The following STRN4 variants were observed in gnomAD, a reference collection of about 807,000 sequenced individuals.
STRN4 encodes the protein striatin-4.
Under a neutral mutation model 77.9 loss-of-function variants are expected in STRN4, and 27 were observed. The ratio of observed to expected loss-of-function variants is 0.35; its 90% confidence interval spans 0.26 to 0.48. The LOEUF (loss-of-function observed/expected upper bound fraction) is 0.48, where lower values mean the gene tolerates loss of function less well. Ranked by LOEUF, STRN4 falls within the 20% of genes least tolerant of loss-of-function variation. STRN4 has a pLI of 0.99. For missense variants in STRN4, 798 were observed against 1,049.7 expected, an observed-to-expected ratio of 0.76 and a Z score of 3.31; for synonymous variants, 466 against 443.1, an observed-to-expected ratio of 1.05 and a Z score of -0.65.
At position 46,722,584 on chromosome 19, in the gene STRN4, G is replaced by A. The variant is rs535031439; in HGVS notation, c.1906+226C>T. Among the ~76,000 whole-genome samples the A allele has an allele frequency of 1.6e-4, 25 of 152,320 alleles. 1 individual carries two copies. The South Asian group carries it at 5.0e-3, about 30-fold the overall frequency. On this transcript the variant is annotated intron_variant, in intron 14 of 17. Transcript: ENST00000263280. ...ACACATTCCGCCACTCTACCAAGAG[G>A]GCCCGACGGGGCGGCCCTGACGCGC... is the stretch of plus-strand genomic sequence containing the variant.
chr19:46,735,440 G>A (rs1245846519), intron 4 of STRN4, among the ~76,000 whole-genome samples: 1 of 152,104 alleles, frequency 6.6e-6, no homozygotes, highest in Non-Finnish European at 1.5e-5. Context: ...CCTGCTGTGG[G>A]CTCTGACTGC....
chr19:46,742,075 G>A (rs1296686216), intron 1 of STRN4, among the ~76,000 whole-genome samples: 2 of 152,158 alleles, frequency 1.3e-5, no homozygotes, highest in Non-Finnish European at 2.9e-5. Context: ...CAGAACAGGG[G>A]CAGAGCCACA....
chr19:46,722,079 C>G lies in STRN4; in HGVS notation c.2006-7G>C. The G allele has an allele frequency of 6.2e-7, 1 of 1,612,390 alleles. No individual in the cohort carries two copies. Among genetic ancestry groups the G allele is most frequent in the Non-Finnish European group, 8.5e-7 (1 of 1,180,002 alleles). ...ATGGAGTGCACCGGCTTACCTGAGG[C>G]GAGAAGGGCGGGTGGCAGGTTCCCC... On this transcript the variant is annotated splice_polypyrimidine_tract_variant and splice_region_variant and intron_variant, in intron 15 of 17. Transcript: ENST00000263280.
chr19:46,728,391 AG>A lies in STRN4; in HGVS notation c.1039+226del. The A allele has an allele frequency of 2.8e-5, 18 of 638,068 alleles. 3 individuals carry two copies. In the South Asian group the frequency reaches 3.6e-4, roughly 13 times the overall value. 39.5% of individuals were successfully genotyped at this position (638,068 alleles called of 1,614,324 possible). A position where few individuals can be genotyped will look rare whatever the true frequency, so the allele number is the denominator to read the frequency against. The stretch of plus-strand genomic sequence containing the variant: ...CCTGGAGGGCTGGCGGCCCCACTTC[AG>A]GAAGAGCCAGGACTGCCTGCGTCTC... On this transcript the variant is annotated intron_variant, in intron 7 of 17. Transcript: ENST00000263280.
At position 46,730,843 on chromosome 19, in the gene STRN4, G is replaced by A. The variant is rs1222541256; in HGVS notation, c.768C>T (p.Arg256=). The A allele has an allele frequency of 2.5e-6, 4 of 1,612,018 alleles. No homozygotes were observed. The African/African-American group carries it at 5.3e-5, about 22-fold the overall frequency. ...TCTGCCCCAGCACTGAGCCGCCCAA[G>A]CGCTCTTTGCCATCTTTGCCTGCCG... The part of the protein sequence containing the change: ...RNAAGKDGKE[R]LGGSVLGQIP... Residue 256 remains arginine (R), a synonymous_variant, in exon 6 of 18, where the codon CGC becomes CGT. Coordinates refer to ENST00000263280, the MANE Select transcript of STRN4 (RefSeq NM_013403.3).
Position 46,720,519 on chromosome 19 carries a change from G to T in STRN4, c.*66+17C>A. On this transcript the variant is annotated intron_variant, in intron 17 of 17. Transcript: ENST00000263280. ...ATGGGCGTGCAGAGACTCAGAATGC[G>T]GGGTTTCTGCCCTCACCTCAGCCCC... is the stretch of plus-strand genomic sequence containing the variant. The T allele has an allele frequency of 7.0e-7, 1 of 1,420,794 alleles. No individual in the cohort carries two copies. Among genetic ancestry groups the T allele is most frequent in the South Asian group, 1.6e-5 (1 of 63,930 alleles). The allele number at this position is 1,420,794 out of a possible 1,614,324, so 88.0% of individuals were successfully genotyped here.
rs777910107 is a variant in STRN4, at chr19:46,733,075, G to A, written c.701C>T (p.Ser234Leu). Reference sequence around the variant, plus strand: ...CTCCTCGATCTGTTTCACCAGCAGCGACTCCCCACCACTGAGCCCTGCAGG... The same window carrying A: ...CTCCTCGATCTGTTTCACCAGCAGCAACTCCCCACCACTGAGCCCTGCAGG... ...PGPAGLSGGESLLVKQIEEQI... is the reference protein window; with the variant it reads ...PGPAGLSGGELLLVKQIEEQI... Residue 234 changes from serine (S) to leucine (L), a missense_variant, in exon 5 of 18, where the codon TCG (serine) becomes TTG (leucine). Coordinates refer to ENST00000263280, the MANE Select transcript of STRN4 (RefSeq NM_013403.3). The surrounding 1 kb of genome is among the most constrained non-coding windows in gnomAD (Gnocchi z 4.3). 183 of 1,612,788 alleles carry A rather than the reference G, an allele frequency of 1.1e-4. No homozygotes were observed. Among genetic ancestry groups the A allele is most frequent in the East Asian group, 4.5e-5 (2 of 44,858 alleles).
At position 46,722,088 on chromosome 19, in the gene STRN4, C is replaced by T. The variant is rs377754565; in HGVS notation, c.2006-16G>A. The T allele has an allele frequency of 2.7e-5, 44 of 1,611,974 alleles. 1 individual carries two copies. The highest frequency in any genetic ancestry group is 1.2e-4 in the Admixed American group (7 of 60,024). On this transcript the variant is annotated splice_polypyrimidine_tract_variant and intron_variant, in intron 15 of 17. Coordinates refer to ENST00000263280, the MANE Select transcript of STRN4 (RefSeq NM_013403.3). The stretch of plus-strand genomic sequence containing the variant: ...ACCGGCTTACCTGAGGCGAGAAGGG[C>T]GGGTGGCAGGTTCCCCTCCCACTCT...
In STRN4 at chr19:46,723,308, T is replaced by G. The variant is rs1337862917; in HGVS notation, c.1595-24A>C. On this transcript the variant is annotated intron_variant, in intron 12 of 17. Coordinates refer to ENST00000263280, the MANE Select transcript of STRN4 (RefSeq NM_013403.3). The surrounding 1 kb of genome is among the most constrained non-coding windows in gnomAD (Gnocchi z 5.5). ...GTCTGCACCCACCGCAGGGAGGAAA[T>G]GGGCTGTGTCAGGGCTGCCAGCTCC... The G allele has an allele frequency of 6.6e-6, 10 of 1,525,060 alleles. No homozygotes were observed. In the East Asian group the frequency reaches 1.7e-4, roughly 26 times the overall value. 94.5% of individuals were successfully genotyped at this position (1,525,060 alleles called of 1,614,324 possible).
At chr19:46,746,094 AGGCCGGGCCG>A (rs568014119) in intron 1 of STRN4, 45 bp downstream of exon 1, 20 of 1,244,350 alleles carry the variant, frequency 1.6e-5, no homozygotes, top group Non-Finnish European at 1.8e-5. Flanking sequence ...GCAGCGGGTG[AGGCCGGGCCG>A]GGCCGGGCCG....
chr19:46,726,532 G>A (rs2054119559), intron 9 of STRN4, among the ~76,000 whole-genome samples: 1 of 151,746 alleles, frequency 6.6e-6, no homozygotes, highest in African/African-American at 2.4e-5. Context: ...GAGAGGCCAG[G>A]AAGTCCCAGG....
Position 46,723,055 on chromosome 19 carries a change from C to T in STRN4, c.1765+59G>A, listed in dbSNP as rs1403432492. The T allele has an allele frequency of 6.4e-7, 1 of 1,570,218 alleles. No homozygotes were observed. Among genetic ancestry groups the T allele is most frequent in the African/African-American group, 1.4e-5 (1 of 73,894 alleles). ...AGGCCTGGGGCCTCAGCAGGAACCA[C>T]TCTGATAGCCTCCAGATCCCGCACA... On this transcript the variant is annotated intron_variant, in intron 13 of 17. Coordinates refer to ENST00000263280, the MANE Select transcript of STRN4 (RefSeq NM_013403.3). This position sits in a 1 kb window ranked among gnomAD's most constrained non-coding sequence, Gnocchi z 5.5.
At chr19:46,721,227 A>G (rs313843) in intron 16 of STRN4, 117,837 of 155,770 alleles carry the variant, frequency 0.76, 44,876 homozygotes, top group African/African-American at 0.85. Context: ...CTTAGCAGGG[A>G]CTTGGGGAGA....
chr19:46,731,245 A>G (rs1270073146), intron 5 of STRN4, among the ~76,000 whole-genome samples: 1 of 152,172 alleles, frequency 6.6e-6, no homozygotes, highest in Non-Finnish European at 1.5e-5. Flanking sequence ...TCAGACCACA[A>G]GGGCAGGTCA....
At chr19:46,742,927 A>G (rs957270801) in intron 1 of STRN4, among the ~76,000 whole-genome samples, 1 of 152,242 alleles carries the variant, frequency 6.6e-6, no homozygotes, top group Non-Finnish European at 1.5e-5. Flanking sequence ...ATTCTTGCAC[A>G]GGAATAAGGG....
chr19:46,732,670 G>A (rs1326895994), intron 5 of STRN4: 1 of 235,264 alleles, frequency 4.3e-6, no homozygotes, highest in Admixed American at 5.2e-5. Flanking sequence ...GACAATTGCT[G>A]ATGAGAGTGA....
chr19:46,745,173 T>C (rs1233889449), intron 1 of STRN4, among the ~76,000 whole-genome samples: 2 of 151,888 alleles, frequency 1.3e-5, no homozygotes, highest in Non-Finnish European at 2.9e-5. Flanking sequence ...ACCTCCATAC[T>C]GGACATGCCC....
intron 7 of STRN4, chr19:46,728,210 G>A (rs2054167188): frequency 2.9e-6 from 2 of 680,546 alleles, no homozygotes; most frequent in South Asian, 3.1e-5. Context: ...GCCTTGCCTA[G>A]GCCTCAGGCC....
At chr19:46,743,498 C>T (rs2054510094) in intron 1 of STRN4, among the ~76,000 whole-genome samples, 1 of 152,188 alleles carries the variant, frequency 6.6e-6, no homozygotes, top group South Asian at 2.1e-4. Context: ...AGATTCAGTC[C>T]AAGCTCTGCT....
Sources: allele counts gnomAD v4.1 joint callset (sites outside exome capture counted in the v4.1 genomes callset), GRCh38; gene constraint gnomAD v4.1.1; non-coding constraint Gnocchi (gnomAD v3.1); transcripts MANE v1.5; gene names NCBI Gene and HGNC (gene_info 2026-07-23, HGNC 2026-07-21).